Variants in CCBE1 observed in about 807,000 individuals in gnomAD.
CCBE1 encodes collagen and calcium binding EGF domains 1, also known as collagen and calcium-binding EGF domain-containing protein 1.
Under a neutral mutation model 50.0 loss-of-function variants are expected in CCBE1, and 37 were observed. The observed-to-expected ratio is 0.74, with a 90% CI of 0.57 to 0.97. CCBE1 has a LOEUF of 0.97. Among genes scored for constraint, CCBE1 ranks in the 50% least tolerant of loss-of-function variants. The pLI is 0.00. For missense variants in CCBE1, 538 were observed against 523.8 expected, an observed-to-expected ratio of 1.03 and a Z score of -0.26; for synonymous variants, 234 against 203.7, an observed-to-expected ratio of 1.15 and a Z score of -1.27.
intron 2 of CCBE1, among the ~76,000 whole-genome samples, chr18:59,498,770 T>G (rs1913475154): frequency 6.6e-6 from 1 of 152,184 alleles, no homozygotes; most frequent in Admixed American, 6.5e-5. Context: ...GAGAAATCCA[T>G]TTGTGGGTTC....
intron 2 of CCBE1, among the ~76,000 whole-genome samples, chr18:59,691,524 G>C (rs966592455): frequency 6.6e-6 from 1 of 152,194 alleles, no homozygotes; most frequent in Non-Finnish European, 1.5e-5. Context: ...TCCTGCCTCA[G>C]CCTCCTGAAT....
At chr18:59,628,714 G>A (rs1473773890) in intron 2 of CCBE1, among the ~76,000 whole-genome samples, 2 of 152,112 alleles carry the variant, frequency 1.3e-5, no homozygotes, top group South Asian at 2.1e-4. Flanking sequence ...CTCCTCACCC[G>A]AGGACCCAGA....
chr18:59,676,941 C>G (rs771768165), intron 2 of CCBE1, among the ~76,000 whole-genome samples: 1 of 152,238 alleles, frequency 6.6e-6, no homozygotes, highest in Non-Finnish European at 1.5e-5. Context: ...AGAAATGAAA[C>G]GACTGAGCTC....
chr18:59,540,948 G>A (rs1915443052), intron 2 of CCBE1, among the ~76,000 whole-genome samples: 1 of 152,140 alleles, frequency 6.6e-6, no homozygotes, highest in African/African-American at 2.4e-5. Flanking sequence ...TTGGGCTGCT[G>A]GAAAAATATC....
At chr18:59,594,728 A>G (rs1309609990) in intron 2 of CCBE1, among the ~76,000 whole-genome samples, 2 of 152,170 alleles carry the variant, frequency 1.3e-5, no homozygotes, top group Non-Finnish European at 2.9e-5. Flanking sequence ...TCAACAGTAC[A>G]TCTTTAACCC....
intron 2 of CCBE1, among the ~76,000 whole-genome samples, chr18:59,593,758 A>G (rs1040952215): frequency 2.0e-5 from 3 of 152,248 alleles, no homozygotes; most frequent in African/African-American, 7.2e-5. Context: ...AGCTGTTCTC[A>G]TTGTCCAACT....
intron 2 of CCBE1, among the ~76,000 whole-genome samples, chr18:59,523,814 G>A (rs566958486): frequency 7.1e-4 from 108 of 152,242 alleles, no homozygotes; most frequent in African/African-American, 2.5e-3. Flanking sequence ...CCTCCCCCTG[G>A]GCCCTCTGCA....
At chr18:59,534,010 T>C (rs1394217170) in intron 2 of CCBE1, among the ~76,000 whole-genome samples, 1 of 151,838 alleles carries the variant, frequency 6.6e-6, no homozygotes, top group South Asian at 2.1e-4. Context: ...CATTGAGAGA[T>C]TCCAAAGAAA....
intron 2 of CCBE1, among the ~76,000 whole-genome samples, chr18:59,623,854 C>A (rs1349864823): frequency 6.6e-6 from 1 of 152,124 alleles, no homozygotes; most frequent in Non-Finnish European, 1.5e-5. Context: ...TAAAAAAACA[C>A]AAGCTGAAAA....
At chr18:59,523,980 A>G (rs1914712894) in intron 2 of CCBE1, among the ~76,000 whole-genome samples, 1 of 152,236 alleles carries the variant, frequency 6.6e-6, no homozygotes, top group African/African-American at 2.4e-5. Context: ...AGGTAACAAT[A>G]GTCCAGCTCC....
chr18:59,582,802 A>G (rs2053104757), intron 2 of CCBE1, among the ~76,000 whole-genome samples: 1 of 152,168 alleles, frequency 6.6e-6, no homozygotes, highest in Non-Finnish European at 1.5e-5. Flanking sequence ...GAAAAAGTCA[A>G]ACTTTCGGAG....
At chr18:59,549,514 AC>A (rs1444198576) in intron 2 of CCBE1, among the ~76,000 whole-genome samples, 1 of 152,208 alleles carries the variant, frequency 6.6e-6, no homozygotes. Flanking sequence ...CATCTGGTGC[AC>A]CGGGGCTCAG....
chr18:59,584,451 G>A (rs1249162922), intron 2 of CCBE1, among the ~76,000 whole-genome samples: 1 of 151,930 alleles, frequency 6.6e-6, no homozygotes, highest in Admixed American at 6.5e-5. Context: ...GTATACATAC[G>A]TAACTAACCT....
intron 2 of CCBE1, among the ~76,000 whole-genome samples, chr18:59,674,929 G>A (rs1249415107): frequency 6.6e-5 from 10 of 151,568 alleles, no homozygotes; most frequent in Non-Finnish European, 1.2e-4. Flanking sequence ...ACAATTCCTG[G>A]GCAAATCCAG....
intron 2 of CCBE1, among the ~76,000 whole-genome samples, chr18:59,665,820 T>C (rs1008869625): frequency 6.6e-6 from 1 of 152,204 alleles, no homozygotes; most frequent in Admixed American, 6.5e-5. Flanking sequence ...GTGTTTGCTT[T>C]GCAGCTATTA....
chr18:59,586,613 C>T (rs2053181256), intron 2 of CCBE1, among the ~76,000 whole-genome samples: 1 of 152,202 alleles, frequency 6.6e-6, no homozygotes, highest in Non-Finnish European at 1.5e-5. Context: ...GAAAGAACAT[C>T]TGCGATGGGA....
intron 2 of CCBE1, among the ~76,000 whole-genome samples, chr18:59,617,522 G>A (rs1212814501): frequency 6.6e-6 from 1 of 152,210 alleles, no homozygotes; most frequent in Non-Finnish European, 1.5e-5. Flanking sequence ...CCACCAGGGA[G>A]GTAACTGACT....
chr18:59,515,495 A>G (rs968096168), intron 2 of CCBE1, among the ~76,000 whole-genome samples: 1 of 152,142 alleles, frequency 6.6e-6, no homozygotes, highest in Non-Finnish European at 1.5e-5. Context: ...CAGAGTTACT[A>G]TGTTCCAAGT....
At chr18:59,479,860 G>C (rs1396305440) in intron 3 of CCBE1, among the ~76,000 whole-genome samples, 1 of 152,210 alleles carries the variant, frequency 6.6e-6, no homozygotes, top group East Asian at 1.9e-4. Flanking sequence ...CAGGTAGAGA[G>C]GTCAAGGGAG....
Sources: allele counts gnomAD v4.1 joint callset (sites outside exome capture counted in the v4.1 genomes callset), GRCh38; gene constraint gnomAD v4.1.1; transcripts MANE v1.5; gene names NCBI Gene and HGNC (gene_info 2026-07-23, HGNC 2026-07-21).